The following SLC44A1 variants were observed in gnomAD, a reference collection of about 807,000 sequenced individuals.
The protein encoded by SLC44A1 is solute carrier family 44 member 1, also known as choline transporter-like protein 1.
SLC44A1 carries 26 observed loss-of-function variants against 79.3 expected under a neutral mutation model. That is an observed-to-expected ratio of 0.33 (90% CI 0.24 to 0.46). The LOEUF is 0.46. Ranked by LOEUF, SLC44A1 falls within the 20% of genes least tolerant of loss-of-function variation. The pLI, the probability that SLC44A1 is intolerant of heterozygous loss-of-function variation, is 1.00. For synonymous variants in SLC44A1, 263 were observed against 286.2 expected (o/e 0.92, Z 0.82); for missense variants, 688 against 798.1 (o/e 0.86, Z 1.66).
chr9:105,402,482 T>C (rs1348004261), intron 15 of SLC44A1, among the ~76,000 whole-genome samples: 1 of 152,226 alleles, frequency 6.6e-6, no homozygotes, highest in Non-Finnish European at 1.5e-5. Flanking sequence ...CTCTACTTCA[T>C]TGAATATTGG....
At chr9:105,438,343 T>G in exon 16 of SLC44A1, 1 of 1,503,680 alleles carries the variant, frequency 6.7e-7, no homozygotes, top group African/African-American at 1.4e-5. Context: ...GTTGTTTACA[T>G]GAGGTTCTCC....
chr9:105,364,734 G>A lies in SLC44A1; in HGVS notation c.1253+14G>A, dbSNP rs1827889361. 2.5e-6 allele frequency: 4 copies of A among 1,603,282 alleles called. No homozygotes were observed. The highest frequency in any genetic ancestry group is 3.4e-6 in the Non-Finnish European group (4 of 1,173,776). On this transcript the variant is annotated intron_variant, in intron 10 of 15. Coordinates refer to ENST00000374720, the MANE Select transcript of SLC44A1 (RefSeq NM_080546.5). ...CTATTTTACTAGGTAAGAATATGTT[G>A]TTATTAGAAAACTCGAGTTCATCTA...
chr9:105,385,314 C>A, intron 14 of SLC44A1, 108 bp from the exon 15 acceptor site: 1 of 749,464 alleles, frequency 1.3e-6, no homozygotes, highest in Non-Finnish European at 2.3e-6. Flanking sequence ...GTTTTTAAGC[C>A]ATCCATTTAC....
chr9:105,265,738 TAAG>T lies in SLC44A1; in HGVS notation c.36+20839_36+20841del, dbSNP rs373888530. On this transcript the variant is annotated intron_variant, in intron 1 of 15. Transcript: ENST00000374720. ...ATTGTGCATTCCCATGAGCAACGTA[TAAG>T]AAGAGTTCTAATTGTTCCATATCCT... Among the ~76,000 whole-genome samples, 13 of 152,366 alleles carry T rather than the reference TAAG, an allele frequency of 8.5e-5. No homozygotes were observed. In the East Asian group the frequency reaches 1.7e-3, roughly 20 times the overall value.
At chr9:105,287,406 C>T (rs1830503066) in intron 1 of SLC44A1, among the ~76,000 whole-genome samples, 2 of 152,110 alleles carry the variant, frequency 1.3e-5, no homozygotes, top group Admixed American at 6.5e-5. Context: ...TGTACTCATT[C>T]GTTGCTTCTG....
chr9:105,244,925 G>A lies in SLC44A1; in HGVS notation c.36+21G>A, dbSNP rs982573294. On this transcript the variant is annotated intron_variant, in intron 1 of 15. Coordinates refer to ENST00000374720, the MANE Select transcript of SLC44A1 (RefSeq NM_080546.5). ...CGCAGGTGAGGGGCTCCCGCCTCCC[G>A]GCCGCCCGCCCGGATGCCTCCCGTG... 64 of 1,173,562 alleles carry A rather than the reference G, an allele frequency of 5.5e-5. 1 individual carries two copies. In the African/African-American group the frequency reaches 9.4e-4, roughly 17 times the overall value. The allele number at this position is 1,173,562 out of a possible 1,614,324, so 72.7% of individuals were successfully genotyped here. A position where few individuals can be genotyped will look rare whatever the true frequency, so the allele number is the denominator to read the frequency against.
rs137899637 is a variant in SLC44A1, at chr9:105,257,190, G to A, written c.36+12286G>A. Among the ~76,000 whole-genome samples, 1,318 of 151,864 alleles carry A rather than the reference G, an allele frequency of 8.7e-3. 8 individuals carry two copies. The highest frequency in any genetic ancestry group is 0.031 in the Middle Eastern group (9 of 292). ...CAGCTCACTGCAACCTCCGCATCCC[G>A]GGTTCAAGCGAGTCTCCTGCCTCAG... On this transcript the variant is annotated intron_variant, in intron 1 of 15. Coordinates refer to ENST00000374720, the MANE Select transcript of SLC44A1 (RefSeq NM_080546.5).
chr9:105,374,819 A>G, intron 13 of SLC44A1, 84 bp downstream of exon 13: 1 of 1,115,564 alleles, frequency 9.0e-7, no homozygotes, highest in South Asian at 1.4e-5. Context: ...TATTCAGGCC[A>G]CCAAAAAACT....
intron 15 of SLC44A1, among the ~76,000 whole-genome samples, chr9:105,404,568 C>T (rs1463261313): frequency 1.3e-5 from 2 of 152,208 alleles, no homozygotes; most frequent in Non-Finnish European, 1.5e-5. Flanking sequence ...TTTGTCCTCT[C>T]TGCCTATTTT....
chr9:105,364,323 A>G (rs1460684155), intron 9 of SLC44A1, among the ~76,000 whole-genome samples: 2 of 152,236 alleles, frequency 1.3e-5, no homozygotes, highest in African/African-American at 4.8e-5. Context: ...TATTAAATAT[A>G]ACAACTTTTA....
At chr9:105,293,871 T>G (rs1474072612) in intron 1 of SLC44A1, among the ~76,000 whole-genome samples, 3 of 152,212 alleles carry the variant, frequency 2.0e-5, no homozygotes, top group Non-Finnish European at 4.4e-5. Flanking sequence ...GTTTAGTTAT[T>G]AGGGCTCATG....
chr9:105,261,756 T>C (rs1277615351), intron 1 of SLC44A1, among the ~76,000 whole-genome samples: 1 of 150,476 alleles, frequency 6.6e-6, no homozygotes, highest in African/African-American at 2.5e-5. Flanking sequence ...CCCAGCTGAA[T>C]CTGTGTTTCT....
chr9:105,246,077 G>T (rs1829438116), intron 1 of SLC44A1, among the ~76,000 whole-genome samples: 1 of 152,104 alleles, frequency 6.6e-6, no homozygotes, highest in Non-Finnish European at 1.5e-5. Context: ...TCTGTGATTT[G>T]TTTGTTTTAG....
intron 2 of SLC44A1, among the ~76,000 whole-genome samples, chr9:105,304,944 GT>G (rs10589897): frequency 0.05 from 994 of 20,080 alleles, 176 homozygotes; most frequent in African/African-American, 0.058. Context: ...ACTTTCTATC[GT>G]TTTTTTTTTT....
chr9:105,425,155 CAT>C, intron 15 of SLC44A1, among the ~76,000 whole-genome samples: 2 of 152,156 alleles, frequency 1.3e-5, no homozygotes, highest in South Asian at 2.1e-4. Context: ...AAAGTTATAT[CAT>C]GTACAACATT....
chr9:105,249,765 C>T (rs10283529), intron 1 of SLC44A1, among the ~76,000 whole-genome samples: 2,058 of 151,554 alleles, frequency 0.014, 28 homozygotes, highest in Non-Finnish European at 0.023. Context: ...GAACTCCTGA[C>T]CTCAGATGAT....
chr9:105,380,670 T>C (rs1035765023), intron 13 of SLC44A1, among the ~76,000 whole-genome samples: 3 of 152,184 alleles, frequency 2.0e-5, no homozygotes, highest in East Asian at 1.9e-4. Flanking sequence ...ATGAGAAATA[T>C]AATAGAAGTC....
chr9:105,374,473 C>T (rs1828213082), intron 12 of SLC44A1, 125 bp from the exon 13 acceptor site: 1 of 799,424 alleles, frequency 1.3e-6, no homozygotes, highest in Admixed American at 2.3e-5. Context: ...ATCTGTACCT[C>T]ATTAAAGGGT....
At chr9:105,420,577 C>T (rs888522483) in intron 15 of SLC44A1, among the ~76,000 whole-genome samples, 1 of 152,014 alleles carries the variant, frequency 6.6e-6, no homozygotes, top group African/African-American at 2.4e-5. Flanking sequence ...AATGGATGTT[C>T]TAGGCCGGGT....
Sources: gnomAD v4.1 joint callset for allele counts (sites outside exome capture counted in the v4.1 genomes callset) on GRCh38, gnomAD v4.1.1 for gene constraint, MANE v1.5 for transcripts, NCBI Gene and HGNC (gene_info 2026-07-23, HGNC 2026-07-21) for gene names.